Variants in UBE2D2 observed in about 807,000 individuals in gnomAD.
UBE2D2 encodes the protein ubiquitin conjugating enzyme E2 D2, also known as ubiquitin-conjugating enzyme E2 D2.
A neutral mutation model predicts 24.2 loss-of-function variants in UBE2D2; 2 were observed. The observed-to-expected ratio is 0.08, with a 90% CI of 0.03 to 0.26. The LOEUF is 0.26. Ranked by LOEUF, UBE2D2 falls within the 10% of genes least tolerant of loss-of-function variation. The probability of loss-of-function intolerance (pLI) is 1.00; values close to 1 mark genes in which losing one functional copy is unlikely to be tolerated. For missense variants in UBE2D2, 44 were observed against 177.6 expected (o/e 0.25, Z 4.28); for synonymous variants, 58 against 56.5 (o/e 1.03, Z -0.12).
intron 1 of UBE2D2, among the ~76,000 whole-genome samples, chr5:139,566,864 A>G (rs551696090): frequency 5.9e-5 from 9 of 151,774 alleles, no homozygotes; most frequent in African/African-American, 2.2e-4. Context: ...AATATCTTCC[A>G]TTCAAAAAAA....
chr5:139,593,118 C>T (rs1168329766), intron 1 of UBE2D2, among the ~76,000 whole-genome samples: 1 of 151,526 alleles, frequency 6.6e-6, no homozygotes, highest in Non-Finnish European at 1.5e-5. Context: ...CCCTCAGCCT[C>T]CTGAGTAGCT....
chr5:139,592,210 A>AG (rs1251790905), intron 1 of UBE2D2, among the ~76,000 whole-genome samples: 2 of 152,208 alleles, frequency 1.3e-5, no homozygotes, highest in African/African-American at 4.8e-5. Flanking sequence ...TTACAAAAAA[A>AG]GAAAAAGGAA....
Position 139,561,826 on chromosome 5 carries a change from G to C in UBE2D2, c.24+11G>C, listed in dbSNP as rs757442669. The C allele has an allele frequency of 6.7e-7, 1 of 1,486,932 alleles. No homozygotes were observed. The highest frequency in any genetic ancestry group is 8.9e-7 in the Non-Finnish European group (1 of 1,122,766). The allele number at this position is 1,486,932 out of a possible 1,614,324, so 92.1% of individuals were successfully genotyped here. On this transcript the variant is annotated intron_variant, in intron 1 of 6. Transcript: ENST00000398733. ...AAGAGAATCCACAAGGTAAGCGGCCGGAGGTCGGCTGCGCTGCTGGCCAGC... is the reference window on the plus strand; with the variant it reads ...AAGAGAATCCACAAGGTAAGCGGCCCGAGGTCGGCTGCGCTGCTGGCCAGC...
chr5:139,570,608 T>C (rs1561506115), intron 1 of UBE2D2, among the ~76,000 whole-genome samples: 1 of 152,012 alleles, frequency 6.6e-6, no homozygotes, highest in Non-Finnish European at 1.5e-5. Flanking sequence ...GCCTCCTGAG[T>C]TCAAGCAATT....
chr5:139,532,863 T>C (rs991843339), intron 1 of UBE2D2, among the ~76,000 whole-genome samples: 11 of 151,982 alleles, frequency 7.2e-5, no homozygotes, highest in African/African-American at 2.7e-4. Flanking sequence ...TCCTAGCACT[T>C]TGGAAGGCCA....
chr5:139,590,792 T>C (rs1410837449), intron 1 of UBE2D2, among the ~76,000 whole-genome samples: 1 of 124,976 alleles, frequency 8.0e-6, no homozygotes, highest in African/African-American at 3.1e-5. Flanking sequence ...CTTTTTTTTT[T>C]TTTTTTTTTT....
intron 2 of UBE2D2, among the ~76,000 whole-genome samples, chr5:139,601,909 CAAAAAAA>C (rs887066675): frequency 2.6e-5 from 2 of 75,632 alleles, no homozygotes; most frequent in African/African-American, 1.0e-4. Flanking sequence ...GACTTACTCT[CAAAAAAA>C]AAAAAAAGAA....
upstream of UBE2D2, among the ~76,000 whole-genome samples, chr5:139,560,202 T>G (rs1273418273): frequency 4.2e-5 from 6 of 141,948 alleles, no homozygotes; most frequent in Non-Finnish European, 7.6e-5. Context: ...CTCGGCTATT[T>G]TTTTTTTTTT....
upstream of UBE2D2, among the ~76,000 whole-genome samples, chr5:139,560,443 G>C (rs1239506633): frequency 6.6e-6 from 1 of 152,026 alleles, no homozygotes; most frequent in Non-Finnish European, 1.5e-5. Context: ...TGATCCGCCT[G>C]CCTTGGCCTC....
chr5:139,562,698 C>G (rs931343563), intron 1 of UBE2D2, among the ~76,000 whole-genome samples: 1 of 152,040 alleles, frequency 6.6e-6, no homozygotes, highest in African/African-American at 2.4e-5. Flanking sequence ...AAAAGGATTT[C>G]TTTGCTCTTT....
chr5:139,604,797 C>T (rs992802803), intron 2 of UBE2D2, among the ~76,000 whole-genome samples: 6 of 151,726 alleles, frequency 4.0e-5, no homozygotes, highest in African/African-American at 1.5e-4. Flanking sequence ...GGAGGAACAC[C>T]TGAGCCCAGA....
intron 1 of UBE2D2, among the ~76,000 whole-genome samples, chr5:139,573,516 T>C (rs1277264050): frequency 6.6e-6 from 1 of 152,178 alleles, no homozygotes; most frequent in African/African-American, 2.4e-5. Context: ...GAATACAGAC[T>C]GCATATTTTG....
chr5:139,539,922 A>G (rs964119396), intron 1 of UBE2D2, among the ~76,000 whole-genome samples: 3 of 150,126 alleles, frequency 2.0e-5, no homozygotes, highest in Admixed American at 1.3e-4. Flanking sequence ...ACATTGTACT[A>G]TGTATATATT....
At chr5:139,608,594 TA>T (rs1244720988) in intron 2 of UBE2D2, among the ~76,000 whole-genome samples, 14 of 148,226 alleles carry the variant, frequency 9.4e-5, no homozygotes, top group Admixed American at 2.0e-4. Flanking sequence ...GTCTCTATTT[TA>T]AAAAAAAAAG....
chr5:139,562,109 A>G, intron 1 of UBE2D2: 1 of 1,015,892 alleles, frequency 9.8e-7, no homozygotes. Context: ...CTGCCGCTGC[A>G]CTTGAGGGCC....
chr5:139,555,864 T>C (rs1357730592), intron 1 of UBE2D2, among the ~76,000 whole-genome samples: 1 of 130,702 alleles, frequency 7.7e-6, no homozygotes. Flanking sequence ...AGGCAGAGGT[T>C]GCAGTGAGCT....
chr5:139,568,618 C>T (rs1425042084), intron 1 of UBE2D2, among the ~76,000 whole-genome samples: 6 of 151,892 alleles, frequency 4.0e-5, no homozygotes, highest in Admixed American at 3.9e-4. Context: ...GATCGCGCCG[C>T]TGCATTCTAG....
intron 2 of UBE2D2, among the ~76,000 whole-genome samples, chr5:139,610,627 C>CT (rs1248518935): frequency 6.6e-6 from 1 of 151,500 alleles, no homozygotes; most frequent in Non-Finnish European, 1.5e-5. Flanking sequence ...AATCCCAGCA[C>CT]TTTGGGAGGC....
Position 139,561,731 on chromosome 5 carries a change from T to TTCCCCGTCCCTTCCCCGCCCCCG in UBE2D2, c.-54_-32dup. 1 of 1,335,990 alleles carries TTCCCCGTCCCTTCCCCGCCCCCG rather than the reference T, an allele frequency of 7.5e-7. No individual in the cohort carries two copies. The highest frequency in any genetic ancestry group is 1.0e-6 in the Non-Finnish European group (1 of 1,000,574). The allele number at this position is 1,335,990 out of a possible 1,614,324, so 82.8% of individuals were successfully genotyped here. On this transcript the variant is annotated 5_prime_UTR_variant, in exon 1 of 7. Transcript: ENST00000398733. ...AGGCGGCCTCAGGCTCCCTAGCCCC[T>TTCCCCGTCCCTTCCCCGCCCCCG]TCCCCGTCCCTTCCCCGCCCCCGTC...
Sources: allele counts gnomAD v4.1 joint callset (sites outside exome capture counted in the v4.1 genomes callset), GRCh38; gene constraint gnomAD v4.1.1; transcripts MANE v1.5; gene names NCBI Gene and HGNC (gene_info 2026-07-23, HGNC 2026-07-21).